GMDS: variants seen among roughly 807,000 people sequenced by gnomAD.
GMDS encodes the protein GDP-mannose 4,6 dehydratase.
A neutral mutation model predicts 49.9 loss-of-function variants in GMDS; 20 were observed. The observed-to-expected ratio is 0.40, with a 90% CI of 0.28 to 0.58. The LOEUF is 0.58. Ranked by LOEUF, GMDS falls within the 20% of genes least tolerant of loss-of-function variation. The pLI is 0.42. For missense variants in GMDS, 362 were observed against 481.4 expected (o/e 0.75, Z 2.32); for synonymous variants, 177 against 178.6 (o/e 0.99, Z 0.07).
At chr6:1,940,986 CCCCTGG>C (rs1762796608) in intron 6 of GMDS, among the ~76,000 whole-genome samples, 1 of 152,178 alleles carries the variant, frequency 6.6e-6, no homozygotes, top group Admixed American at 6.5e-5. Context: ...TGCCAACTTC[CCCCTGG>C]GGGGACAAAA....
At chr6:1,907,808 T>C (rs1760850156) in intron 7 of GMDS, among the ~76,000 whole-genome samples, 1 of 152,124 alleles carries the variant, frequency 6.6e-6, no homozygotes. Context: ...AAAGAGACAA[T>C]AACTGGCCAA....
chr6:2,161,283 A>G (rs1777387893), intron 1 of GMDS, among the ~76,000 whole-genome samples: 1 of 152,226 alleles, frequency 6.6e-6, no homozygotes. Flanking sequence ...TGCTGGGATT[A>G]CAAGCGTGAG....
At chr6:1,911,755 C>T (rs1048833462) in intron 7 of GMDS, among the ~76,000 whole-genome samples, 3 of 152,160 alleles carry the variant, frequency 2.0e-5, no homozygotes, top group Non-Finnish European at 4.4e-5. Context: ...AAATGTTCCT[C>T]ATTAACTTTT....
intron 7 of GMDS, among the ~76,000 whole-genome samples, chr6:1,873,918 C>T (rs1166701907): frequency 6.6e-6 from 1 of 152,234 alleles, no homozygotes; most frequent in Non-Finnish European, 1.5e-5. Context: ...CACACACTCG[C>T]TTTATTCACA....
At position 1,760,574 on chromosome 6, in the gene GMDS, C is replaced by T. The variant is rs561095427; in HGVS notation, c.772-17988G>A. 1.2e-4 allele frequency among the ~76,000 whole-genome samples: 18 copies of T among 152,286 alleles called. No homozygotes were observed. The South Asian group carries it at 2.7e-3, about 23-fold the overall frequency. Reference sequence around the variant, plus strand: ...CCCCGCAGTCCCCACCGCCGAGGACCGCCCACCCTTGAGCGCCTCTAAAGA... The same window carrying T: ...CCCCGCAGTCCCCACCGCCGAGGACTGCCCACCCTTGAGCGCCTCTAAAGA... On this transcript the variant is annotated intron_variant, in intron 7 of 10. Coordinates refer to ENST00000380815, the MANE Select transcript of GMDS (RefSeq NM_001500.4).
chr6:2,166,939 G>A (rs905969819), intron 1 of GMDS, among the ~76,000 whole-genome samples: 1 of 152,160 alleles, frequency 6.6e-6, no homozygotes, highest in African/African-American at 2.4e-5. Context: ...AGCTGAAATA[G>A]GCCAAGGAAA....
intron 1 of GMDS, among the ~76,000 whole-genome samples, chr6:2,190,363 G>T (rs1390731116): frequency 6.6e-6 from 1 of 152,134 alleles, no homozygotes. Context: ...AATATACTGT[G>T]AAATTCACAT....
chr6:1,888,138 T>TATTA (rs200522342), intron 7 of GMDS, among the ~76,000 whole-genome samples: 3 of 141,714 alleles, frequency 2.1e-5, no homozygotes, highest in East Asian at 2.0e-4. Context: ...ATTATTATTT[T>TATTA]TTTTTTTTTT....
intron 6 of GMDS, among the ~76,000 whole-genome samples, chr6:1,951,136 G>T (rs1457989242): frequency 6.6e-6 from 1 of 151,166 alleles, no homozygotes; most frequent in African/African-American, 2.4e-5. Context: ...AACAAATAAA[G>T]ACAATCTTTA....
At chr6:2,165,113 T>C (rs1429274573) in intron 1 of GMDS, among the ~76,000 whole-genome samples, 1 of 152,216 alleles carries the variant, frequency 6.6e-6, no homozygotes, top group Non-Finnish European at 1.5e-5. Context: ...GAGCCACTTC[T>C]AGAAACCCCA....
intron 4 of GMDS, among the ~76,000 whole-genome samples, chr6:1,990,093 G>A (rs1381331386): frequency 3.3e-5 from 5 of 152,162 alleles, no homozygotes; most frequent in East Asian, 3.9e-4. Flanking sequence ...TCAGGAGATC[G>A]AGACCATCTT....
intron 8 of GMDS, among the ~76,000 whole-genome samples, chr6:1,726,870 A>T (rs1208813540): frequency 1.3e-5 from 2 of 151,622 alleles, no homozygotes; most frequent in Non-Finnish European, 2.9e-5. Context: ...ATTAATTAAT[A>T]AATTATTATA....
intron 6 of GMDS, among the ~76,000 whole-genome samples, chr6:1,950,296 G>C (rs1478566915): frequency 6.6e-6 from 1 of 152,194 alleles, no homozygotes; most frequent in East Asian, 1.9e-4. Context: ...AGATAATCTT[G>C]AATCAGTTCT....
At chr6:2,206,453 T>C (rs1437190852) in intron 1 of GMDS, among the ~76,000 whole-genome samples, 2 of 152,176 alleles carry the variant, frequency 1.3e-5, no homozygotes, top group Non-Finnish European at 2.9e-5. Flanking sequence ...ACTTGTCTCT[T>C]GCATGAATTC....
intron 9 of GMDS, among the ~76,000 whole-genome samples, chr6:1,698,423 A>T (rs994098651): frequency 6.6e-6 from 1 of 152,220 alleles, no homozygotes; most frequent in Non-Finnish European, 1.5e-5. Context: ...TTCGGGAAGA[A>T]CATCCTCCCT....
chr6:1,999,440 T>C (rs1561960732), intron 4 of GMDS, among the ~76,000 whole-genome samples: 1 of 151,430 alleles, frequency 6.6e-6, no homozygotes, highest in Non-Finnish European at 1.5e-5. Context: ...CTACAAAACC[T>C]AGAATTTCAG....
At chr6:1,782,889 C>T (rs530294186) in intron 7 of GMDS, among the ~76,000 whole-genome samples, 1 of 152,280 alleles carries the variant, frequency 6.6e-6, no homozygotes, top group East Asian at 1.9e-4. Context: ...TGTGGTGGCT[C>T]ATGCCTGTAA....
chr6:1,886,943 T>C (rs968430143), intron 7 of GMDS, among the ~76,000 whole-genome samples: 2 of 152,234 alleles, frequency 1.3e-5, no homozygotes, highest in East Asian at 3.8e-4. Context: ...CTACTTTCAA[T>C]TGCTGAGCAA....
At chr6:1,669,220 G>C (rs1311316746) in intron 9 of GMDS, among the ~76,000 whole-genome samples, 3 of 152,142 alleles carry the variant, frequency 2.0e-5, no homozygotes, top group Non-Finnish European at 4.4e-5. Context: ...CTGGGACAAG[G>C]GTTGGCTATC....
Sources: gnomAD v4.1 joint callset for allele counts (sites outside exome capture counted in the v4.1 genomes callset) on GRCh38, gnomAD v4.1.1 for gene constraint, MANE v1.5 for transcripts, NCBI Gene and HGNC (gene_info 2026-07-23, HGNC 2026-07-21) for gene names.